TRHDE: variants seen among roughly 807,000 people sequenced by gnomAD.
The protein encoded by TRHDE is thyrotropin releasing hormone degrading enzyme.
TRHDE carries 72 observed loss-of-function variants against 125.7 expected under a neutral mutation model. The observed-to-expected ratio is 0.57, with a 90% CI of 0.47 to 0.70. The LOEUF (loss-of-function observed/expected upper bound fraction) is 0.70, where lower values mean the gene tolerates loss of function less well. Ranked by LOEUF, TRHDE falls within the 30% of genes least tolerant of loss-of-function variation. The pLI is 0.00. For synonymous variants in TRHDE, 509 were observed against 509.1 expected (o/e 1.00, Z 0.00); for missense variants, 1,110 against 1,327.1 (o/e 0.84, Z 2.54).
At chr12:72,278,247 C>T (rs2139415794) in intron 1 of TRHDE, among the ~76,000 whole-genome samples, 1 of 152,178 alleles carries the variant, frequency 6.6e-6, no homozygotes, top group East Asian at 1.9e-4. Flanking sequence ...CCAGTTCATC[C>T]ATGTTGTCTC....
intron 2 of TRHDE, among the ~76,000 whole-genome samples, chr12:72,173,228 C>A (rs530227350): frequency 6.6e-6 from 1 of 152,146 alleles, no homozygotes; most frequent in African/African-American, 2.4e-5. Context: ...TCTGGTGTCA[C>A]AATTGGGCAG....
At chr12:72,534,719 AT>A (rs1188088507) in intron 6 of TRHDE, among the ~76,000 whole-genome samples, 1 of 152,146 alleles carries the variant, frequency 6.6e-6, no homozygotes, top group Non-Finnish European at 1.5e-5. Context: ...TATTATTATC[AT>A]TATCATTATT....
chr12:72,514,521 G>A (rs1331238304), intron 6 of TRHDE, among the ~76,000 whole-genome samples: 4 of 151,840 alleles, frequency 2.6e-5, no homozygotes, highest in Non-Finnish European at 5.9e-5. Context: ...TGGTAGAACT[G>A]AAGATACTGT....
chr12:72,510,524 C>T lies in TRHDE; in HGVS notation c.1722+10889C>T, dbSNP rs149958130. On this transcript the variant is annotated intron_variant, in intron 6 of 18. Transcript: ENST00000261180. Reference sequence around the variant, plus strand: ...GAGGCCTAGGAAGTTTAATGATGTGCTCCAGCTCCTAAGTGTCAGACATGG... The same window carrying T: ...GAGGCCTAGGAAGTTTAATGATGTGTTCCAGCTCCTAAGTGTCAGACATGG... 3.4e-3 allele frequency among the ~76,000 whole-genome samples: 523 copies of T among 152,236 alleles called. 5 individuals carry two copies. Among genetic ancestry groups the T allele is most frequent in the African/African-American group, 0.011 (476 of 41,548 alleles).
intron 2 of TRHDE, among the ~76,000 whole-genome samples, chr12:72,188,102 G>A (rs1283307620): frequency 6.6e-6 from 1 of 152,166 alleles, no homozygotes; most frequent in Non-Finnish European, 1.5e-5. Flanking sequence ...CTTCAACAAA[G>A]CAACCATATA....
intron 18 of TRHDE, among the ~76,000 whole-genome samples, chr12:72,660,041 A>C (rs1874857489): frequency 1.3e-5 from 2 of 152,056 alleles, no homozygotes; most frequent in Non-Finnish European, 2.9e-5. Context: ...ACAAGGGGGC[A>C]GGGTAAGGAG....
At chr12:72,560,083 A>T (rs571419089) in intron 7 of TRHDE, among the ~76,000 whole-genome samples, 1 of 151,630 alleles carries the variant, frequency 6.6e-6, no homozygotes, top group South Asian at 2.1e-4. Context: ...AATTTTCTTA[A>T]TTCAAGCTGT....
At chr12:72,323,810 G>A (rs1345500148) in intron 2 of TRHDE, among the ~76,000 whole-genome samples, 1 of 146,616 alleles carries the variant, frequency 6.8e-6, no homozygotes, top group Non-Finnish European at 1.5e-5. Context: ...GTTCTTGCAA[G>A]ATGAAATTAT....
chr12:72,353,397 G>A (rs182788585), intron 2 of TRHDE, among the ~76,000 whole-genome samples: 223 of 151,490 alleles, frequency 1.5e-3, no homozygotes, highest in Non-Finnish European at 2.2e-3. Flanking sequence ...GGATATTAAC[G>A]GGCAATTTAT....
chr12:72,520,310 C>A (rs1879124091), intron 6 of TRHDE, among the ~76,000 whole-genome samples: 1 of 152,200 alleles, frequency 6.6e-6, no homozygotes, highest in Non-Finnish European at 1.5e-5. Flanking sequence ...GGGCGTAAGA[C>A]CCTCCGAGCC....
intron 12 of TRHDE, among the ~76,000 whole-genome samples, chr12:72,599,675 C>G (rs1486792369): frequency 1.3e-5 from 2 of 152,040 alleles, no homozygotes. Flanking sequence ...TGTCTGTCTA[C>G]TCCGTTGATA....
At chr12:72,618,444 A>C (rs1032870011) in intron 12 of TRHDE, among the ~76,000 whole-genome samples, 2 of 152,144 alleles carry the variant, frequency 1.3e-5, no homozygotes, top group Admixed American at 6.6e-5. Context: ...ACAAATTGAC[A>C]CTTTAATTTG....
chr12:72,554,365 T>G (rs1179254886), intron 7 of TRHDE, among the ~76,000 whole-genome samples: 3 of 152,070 alleles, frequency 2.0e-5, no homozygotes, highest in East Asian at 3.9e-4. Context: ...AAGCACTACA[T>G]TATGTACATT....
At chr12:72,177,895 T>G (rs1472730540) in intron 2 of TRHDE, among the ~76,000 whole-genome samples, 1 of 152,166 alleles carries the variant, frequency 6.6e-6, no homozygotes, top group Non-Finnish European at 1.5e-5. Context: ...TTTTCTAACC[T>G]TATGCCATAT....
intron 8 of TRHDE, 89 bp downstream of exon 8, chr12:72,562,319 ATAGT>A (rs1870217863): frequency 1.6e-6 from 1 of 618,084 alleles, no homozygotes; most frequent in Non-Finnish European, 2.8e-6. Context: ...TTGACACCTG[ATAGT>A]TTGTTTTTAC....
intron 2 of TRHDE, among the ~76,000 whole-genome samples, chr12:72,363,031 T>C (rs1331178635): frequency 6.6e-6 from 1 of 152,074 alleles, no homozygotes; most frequent in Non-Finnish European, 1.5e-5. Flanking sequence ...TGGCTTAGGA[T>C]TGACTTGGCG....
intron 6 of TRHDE, among the ~76,000 whole-genome samples, chr12:72,539,204 C>T (rs1316485656): frequency 6.6e-5 from 10 of 151,890 alleles, no homozygotes; most frequent in African/African-American, 2.4e-4. Context: ...AGAATACTTT[C>T]TCTTGTCATT....
At chr12:72,272,103 G>A (rs1429902340), upstream of TRHDE, 10 of 457,314 alleles carry the variant, frequency 2.2e-5, no homozygotes, top group East Asian at 7.0e-4. The surrounding 1 kb of genome is among the most constrained non-coding windows in gnomAD (Gnocchi z 6.7). Context: ...TGCCTCCCGT[G>A]CTGTGGCCGC....
chr12:72,164,478 G>A (rs766049030), intron 2 of TRHDE, among the ~76,000 whole-genome samples: 18 of 152,202 alleles, frequency 1.2e-4, no homozygotes, highest in Non-Finnish European at 2.5e-4. Flanking sequence ...CTTACATGCA[G>A]GGGAGAGAGT....
Sources: allele counts gnomAD v4.1 joint callset (sites outside exome capture counted in the v4.1 genomes callset), GRCh38; gene constraint gnomAD v4.1.1; non-coding constraint Gnocchi (gnomAD v3.1); transcripts MANE v1.5; gene names NCBI Gene and HGNC (gene_info 2026-07-23, HGNC 2026-07-21).